GALNT11: variants seen among roughly 807,000 people sequenced by gnomAD.
GALNT11 encodes polypeptide N-acetylgalactosaminyltransferase 11, also known as UDP-GalNAc:polypeptide N-acetylgalactosaminyltransferase 11.
GALNT11 carries 47 observed loss-of-function variants against 72.7 expected under a neutral mutation model. The observed-to-expected ratio is 0.65, with a 90% CI of 0.51 to 0.82. The LOEUF is 0.82. Ranked by LOEUF, GALNT11 falls within the 40% of genes least tolerant of loss-of-function variation. The pLI is 0.00. For missense variants in GALNT11, 677 were observed against 778.4 expected (o/e 0.87, Z 1.55); for synonymous variants, 270 against 286.6 (o/e 0.94, Z 0.58).
intron 1 of GALNT11, among the ~76,000 whole-genome samples, chr7:152,072,710 TA>T (rs1185883181): frequency 2.6e-5 from 4 of 152,246 alleles, no homozygotes; most frequent in Non-Finnish European, 5.9e-5. Context: ...TTTACCTGTT[TA>T]GAAAAGTTTT....
intron 1 of GALNT11, among the ~76,000 whole-genome samples, chr7:152,083,584 G>A (rs1025510776): frequency 1.3e-5 from 2 of 152,146 alleles, no homozygotes; most frequent in African/African-American, 4.8e-5. Context: ...TGTTTGGATA[G>A]AGAAGCCCTG....
intron 2 of GALNT11, among the ~76,000 whole-genome samples, chr7:152,099,066 C>CA (rs1364560255): frequency 6.6e-6 from 1 of 152,086 alleles, no homozygotes; most frequent in African/African-American, 2.4e-5. Flanking sequence ...CTCAGCCTCC[C>CA]AAGTAGCTGG....
chr7:152,117,403 TTATGAAAAGCGTTTGA>T (rs751648626), intron 9 of GALNT11, 28 bp downstream of exon 9: 1 of 1,609,060 alleles, frequency 6.2e-7, no homozygotes, highest in South Asian at 1.1e-5. Flanking sequence ...TCCAAGTGGC[TTATGAAAAGCGTTTGA>T]TATGAAAAGT....
intron 1 of GALNT11, among the ~76,000 whole-genome samples, chr7:152,039,491 G>A (rs1341638138): frequency 2.0e-5 from 3 of 152,076 alleles, no homozygotes; most frequent in Non-Finnish European, 4.4e-5. Context: ...GGTGATCACC[G>A]CTATCATTAA....
chr7:152,043,490 A>G (rs2082968781), intron 1 of GALNT11, among the ~76,000 whole-genome samples: 2 of 152,192 alleles, frequency 1.3e-5, no homozygotes, highest in Admixed American at 6.5e-5. Context: ...CATTTCCCCA[A>G]TTTAAAAGGA....
chr7:152,099,679 C>T (rs559104713), intron 2 of GALNT11, among the ~76,000 whole-genome samples: 21 of 150,624 alleles, frequency 1.4e-4, no homozygotes, highest in Middle Eastern at 3.4e-3. Context: ...TAAGCAGCCG[C>T]GCCCTGCCTA....
intron 6 of GALNT11, 23 bp downstream of exon 6, chr7:152,108,310 C>G (rs1162119082): frequency 3.1e-6 from 5 of 1,589,260 alleles, no homozygotes; most frequent in African/African-American, 2.7e-5. Flanking sequence ...CTTTGTTTGA[C>G]AAATTCCTAC....
chr7:152,035,713 G>A (rs2082540176), intron 1 of GALNT11, among the ~76,000 whole-genome samples: 1 of 152,174 alleles, frequency 6.6e-6, no homozygotes, highest in African/African-American at 2.4e-5. Context: ...AGTTTTAACT[G>A]GCCGCTAGTC....
intron 1 of GALNT11, among the ~76,000 whole-genome samples, chr7:152,034,436 G>A (rs576806607): frequency 6.6e-6 from 1 of 152,290 alleles, no homozygotes; most frequent in Non-Finnish European, 1.5e-5. Context: ...CCCCATCAGA[G>A]AGAGAATATG....
At chr7:152,053,764 T>G (rs2083511313) in intron 1 of GALNT11, among the ~76,000 whole-genome samples, 1 of 152,076 alleles carries the variant, frequency 6.6e-6, no homozygotes, top group Admixed American at 6.5e-5. Context: ...GAGGCCAAGG[T>G]GGGAGGATCA....
intron 1 of GALNT11, among the ~76,000 whole-genome samples, chr7:152,054,115 A>G (rs2083535664): frequency 1.3e-5 from 2 of 151,396 alleles, no homozygotes; most frequent in Admixed American, 1.3e-4. Flanking sequence ...TTTGCTATAG[A>G]TATTTTTTCT....
intron 1 of GALNT11, among the ~76,000 whole-genome samples, chr7:152,037,755 G>A (rs1490599750): frequency 5.3e-5 from 8 of 151,580 alleles, no homozygotes; most frequent in East Asian, 1.9e-4. Flanking sequence ...CTTTTTGTGC[G>A]TGCATGTCTT....
intron 1 of GALNT11, among the ~76,000 whole-genome samples, chr7:152,077,368 A>G (rs2085049908): frequency 6.6e-6 from 1 of 152,196 alleles, no homozygotes; most frequent in Non-Finnish European, 1.5e-5. Context: ...TTGCCCGGCT[A>G]TTTGCTGTTC....
chr7:152,110,388 G>GT, intron 6 of GALNT11, 140 bp from the exon 7 acceptor site: 2 of 714,022 alleles, frequency 2.8e-6, no homozygotes, highest in Non-Finnish European at 4.9e-6. Context: ...CTCATTCTCT[G>GT]ATACTGGATA....
At chr7:152,099,947 A>ATT (rs768708954) in intron 2 of GALNT11, among the ~76,000 whole-genome samples, 213 of 114,464 alleles carry the variant, frequency 1.9e-3, no homozygotes, top group African/African-American at 4.4e-3. Flanking sequence ...CACCTGGCTA[A>ATT]TTTTTTTTTT....
At chr7:152,055,264 C>T (rs1229436018) in intron 1 of GALNT11, among the ~76,000 whole-genome samples, 1 of 152,130 alleles carries the variant, frequency 6.6e-6, no homozygotes, top group African/African-American at 2.4e-5. Flanking sequence ...AAACACAATT[C>T]ATCCCATAAA....
chr7:152,027,287 G>A (rs889349070), intron 1 of GALNT11, among the ~76,000 whole-genome samples: 1 of 152,134 alleles, frequency 6.6e-6, no homozygotes, highest in Non-Finnish European at 1.5e-5. Flanking sequence ...TACATAGTAG[G>A]CATATGTATT....
At chr7:152,091,247 A>T (rs983681316) in intron 1 of GALNT11, among the ~76,000 whole-genome samples, 1 of 146,638 alleles carries the variant, frequency 6.8e-6, no homozygotes, top group Admixed American at 6.9e-5. Context: ...TATTATTATT[A>T]TTTTTGTGTG....
chr7:152,122,330 C>G lies in GALNT11; in HGVS notation c.*653C>G, dbSNP rs2089479366. The G allele has an allele frequency of 6.6e-6, 1 of 152,022 alleles. No individual in the cohort carries two copies. Among genetic ancestry groups the G allele is most frequent in the South Asian group, 2.1e-4 (1 of 4,822 alleles). 9.4% of individuals were successfully genotyped at this position (152,022 alleles called of 1,614,324 possible). On this transcript the variant is annotated 3_prime_UTR_variant, in exon 12 of 12. Coordinates refer to ENST00000430044, the MANE Select transcript of GALNT11 (RefSeq NM_022087.4). ...TGATACAATCTACATAATAAAGAAT[C>G]CTTTTGATTATTTAGGATATTTTGT...
Sources: gnomAD v4.1 joint callset for allele counts (sites outside exome capture counted in the v4.1 genomes callset) on GRCh38, gnomAD v4.1.1 for gene constraint, MANE v1.5 for transcripts, NCBI Gene and HGNC (gene_info 2026-07-23, HGNC 2026-07-21) for gene names.